The following CROCC2 variants were observed in gnomAD, a reference collection of about 807,000 sequenced individuals.
CROCC2 encodes the protein ciliary rootlet coiled-coil, rootletin family member 2.
A neutral mutation model predicts 177.6 loss-of-function variants in CROCC2; 163 were observed. The ratio of observed to expected loss-of-function variants is 0.92; its 90% CI spans 0.81 to 1.05. CROCC2 has a LOEUF of 1.05. CROCC2 is among the 50% of genes least tolerant of loss of function. CROCC2 has a pLI of 0.00. For missense variants in CROCC2, 1,929 were observed against 1,797.8 expected, an observed-to-expected ratio of 1.07 and a Z score of -1.32; for synonymous variants, 904 against 787.3, an observed-to-expected ratio of 1.15 and a Z score of -2.48.
rs2059868907 is a variant in CROCC2 at position 240,990,278 on chromosome 2, G to A, written c.4863+445G>A. 2.6e-5 allele frequency among the ~76,000 whole-genome samples: 4 copies of A among 152,228 alleles called. No individual in the cohort carries two copies. The South Asian group carries it at 8.3e-4, about 31-fold the overall frequency. ...CGTGGCATCTGTGGGGATGAGGTGG[G>A]CACAGTGAGGTGGATAAGGAAGCAT... On this transcript the variant is annotated intron_variant, in intron 30 of 31. Coordinates refer to ENST00000690015, the MANE Select transcript of CROCC2 (RefSeq NM_001351305.2).
chr2:240,911,336 G>A (rs1315478153), intron 1 of CROCC2, among the ~76,000 whole-genome samples: 7 of 132,034 alleles, frequency 5.3e-5, no homozygotes, highest in Non-Finnish European at 1.1e-4. Context: ...GGTCTCTGTC[G>A]CCCAGGCTGG....
chr2:240,963,718 C>T lies in CROCC2; in HGVS notation c.3250C>T (p.Leu1084Phe). ...DEAREKDVLL[L>F]FNSELRATIC... is the part of the protein sequence containing the mutation. Reference sequence around the variant, plus strand: ...GGCCCGCGAGAAGGACGTACTGTTGCTTTTCAACAGCGAGCTGCGGGCCAC... The same window carrying T: ...GGCCCGCGAGAAGGACGTACTGTTGTTTTTCAACAGCGAGCTGCGGGCCAC... Residue 1084 changes from leucine to phenylalanine, a missense_variant, in exon 21 of 32, where the codon CTT becomes TTT. Transcript: ENST00000690015. 1.3e-6 allele frequency: 2 copies of T among 1,550,280 alleles called. No individual in the cohort carries two copies. The highest frequency in any genetic ancestry group is 1.7e-6 in the Non-Finnish European group (2 of 1,146,804).
In CROCC2 at chr2:240,941,280, T is replaced by C. The variant is rs140740481; in HGVS notation, c.2170-4780T>C. On this transcript the variant is annotated intron_variant, in intron 14 of 31. Transcript: ENST00000690015. Reference sequence around the variant, plus strand: ...TGCCAAAATCAATACACAAATTCAATGCAATTCCCATCAAAATATCATCAC... The same window carrying C: ...TGCCAAAATCAATACACAAATTCAACGCAATTCCCATCAAAATATCATCAC... Among the ~76,000 whole-genome samples, 231 of 152,282 alleles carry C rather than the reference T, an allele frequency of 1.5e-3. 1 individual carries two copies. The highest frequency in any genetic ancestry group is 2.6e-3 in the Non-Finnish European group (180 of 68,022).
At chr2:240,935,332 G>A (rs1210522766) in intron 13 of CROCC2, 26 bp from the exon 14 acceptor site, 72 of 1,348,462 alleles carry the variant, frequency 5.3e-5, no homozygotes, top group Non-Finnish European at 6.7e-5. Context: ...GGGAGTGGAT[G>A]CAGAGCCCCC....
rs1179964216 is a variant in CROCC2, at chr2:240,968,213, A to G, written c.4352A>G (p.Glu1451Gly). ...GAGGCGCTCCGCAGGCTGGAGTTGG[A>G]GCACCTGGCGAGCGTGCGTGCGGCA... ...QKEALRRLEL[E>G]HLASVRAAGQ... The change falls in exon 27 of 32, where the codon GAG (glutamate) becomes GGG (glycine). Residue 1451 changes from glutamate to glycine, a missense_variant. Glu to Gly is a moderately conservative substitution (Grantham distance 98). This residue lies in a region of CROCC2 where 388 missense variants were observed against 352.7 expected (regional missense o/e 1.10). Transcript: ENST00000690015. 6.5e-7 allele frequency: 1 copy of G among 1,533,288 alleles called. No homozygotes were observed. The highest frequency in any genetic ancestry group is 2.1e-4 in the Middle Eastern group (1 of 4,824). The allele number at this position is 1,533,288 out of a possible 1,614,324, so 95.0% of individuals were successfully genotyped here. A position where few individuals can be genotyped will look rare whatever the true frequency, so the allele number is the denominator to read the frequency against.
chr2:240,962,509 G>A (rs1013847333), intron 20 of CROCC2, among the ~76,000 whole-genome samples: 1 of 151,974 alleles, frequency 6.6e-6, no homozygotes, highest in Non-Finnish European at 1.5e-5. Flanking sequence ...CGGAGGGGAG[G>A]CTCTGGCCCT....
rs2059621641 is a variant in CROCC2 at position 240,960,125 on chromosome 2, A to G, written c.3087+681A>G. Among the ~76,000 whole-genome samples the G allele has an allele frequency of 6.6e-6, 1 of 152,234 alleles. No homozygotes were observed. The highest frequency in any genetic ancestry group is 1.5e-5 in the Non-Finnish European group (1 of 68,036). ...CCCAAAGCCTTCCCGAGAGACAGGC[A>G]TGACCTGGGGCGAAGGGGAATTCGG... On this transcript the variant is annotated intron_variant, in intron 20 of 31. Coordinates refer to ENST00000690015, the MANE Select transcript of CROCC2 (RefSeq NM_001351305.2). The surrounding 1 kb of genome is among the most constrained non-coding windows in gnomAD (Gnocchi z 5.0).
chr2:240,907,550 T>A (rs1318864537), intron 1 of CROCC2, among the ~76,000 whole-genome samples: 2 of 152,042 alleles, frequency 1.3e-5, no homozygotes, highest in Non-Finnish European at 2.9e-5. Context: ...ACAATACAGA[T>A]CACCTGAAAA....
intron 5 of CROCC2, among the ~76,000 whole-genome samples, chr2:240,927,845 T>G (rs1033686186): frequency 6.6e-6 from 1 of 152,242 alleles, no homozygotes; most frequent in East Asian, 1.9e-4. Context: ...GAGATGGCAT[T>G]TCACAATGTT....
intron 15 of CROCC2, among the ~76,000 whole-genome samples, chr2:240,947,695 G>A (rs1031239794): frequency 2.6e-5 from 4 of 152,192 alleles, no homozygotes; most frequent in African/African-American, 7.2e-5. Context: ...CTCCCCACGG[G>A]TCTGCTTTAT....
intron 20 of CROCC2, 186 bp downstream of exon 20, chr2:240,959,630 C>T (rs890826207): frequency 1.3e-5 from 9 of 693,402 alleles, no homozygotes; most frequent in African/African-American, 9.2e-5. Context: ...GGGGCCCTCA[C>T]ACCACGCACT....
At chr2:240,959,568 G>A (rs2059617617) in intron 20 of CROCC2, 124 bp downstream of exon 20, 1 of 1,278,912 alleles carries the variant, frequency 7.8e-7, no homozygotes, top group Non-Finnish European at 1.1e-6. Flanking sequence ...GAGAAGGGAA[G>A]AGTAGTCCCT....
chr2:240,955,788 C>G, intron 18 of CROCC2, 71 bp from the exon 19 acceptor site: 1 of 1,074,852 alleles, frequency 9.3e-7, no homozygotes, highest in Non-Finnish European at 1.4e-6. Context: ...CACAGCCTCT[C>G]CTTAGAGGGG....
chr2:240,917,537 C>A lies in CROCC2; in HGVS notation c.79-1189C>A, dbSNP rs1168773488. Among the ~76,000 whole-genome samples, 1 of 152,092 alleles carries A rather than the reference C, an allele frequency of 6.6e-6. No individual in the cohort carries two copies. Among genetic ancestry groups the A allele is most frequent in the Non-Finnish European group, 1.5e-5 (1 of 67,998 alleles). ...GCAGCCAGGTGGTCACCCACGTGGA[C>A]CCTGGTCAGGAGGAAAATCCAGGAG... On this transcript the variant is annotated intron_variant, in intron 1 of 31. Coordinates refer to ENST00000690015, the MANE Select transcript of CROCC2 (RefSeq NM_001351305.2). This position sits in a 1 kb window ranked among gnomAD's most constrained non-coding sequence, Gnocchi z 4.9.
At chr2:240,989,534 AC>A in intron 29 of CROCC2, 119 bp from the exon 30 acceptor site, 1 of 961,610 alleles carries the variant, frequency 1.0e-6, no homozygotes, top group Non-Finnish European at 1.5e-6. Context: ...CCAGGTCAAC[AC>A]CGGCAGAGGG....
In CROCC2 at chr2:240,988,158, CT is replaced by C. The variant is rs946097759; in HGVS notation, c.4552-580del. Among the ~76,000 whole-genome samples, 6 of 152,336 alleles carry C rather than the reference CT, an allele frequency of 3.9e-5. No homozygotes were observed. The Middle Eastern group carries it at 0.014, about 345-fold the overall frequency. Reference sequence around the variant, plus strand: ...TAACCTGGAGCTTATCCCTCCTGACCTGTACCCATGGGGTAGGGAGTGGGTG... The same window carrying C: ...TAACCTGGAGCTTATCCCTCCTGACCGTACCCATGGGGTAGGGAGTGGGTG... On this transcript the variant is annotated intron_variant, in intron 28 of 31. Transcript: ENST00000690015.
In CROCC2 at chr2:240,966,397, C is replaced by A; in HGVS notation, c.4134C>A (p.Ala1378=). 1 of 401,362 alleles carries A rather than the reference C, an allele frequency of 2.5e-6. No individual in the cohort carries two copies. The highest frequency in any genetic ancestry group is 4.4e-6 in the Non-Finnish European group (1 of 226,626). The allele number at this position is 401,362 out of a possible 1,614,324, so 24.9% of individuals were successfully genotyped here. ...ACTTTGTGCAGAAGCTCCGGGAAGC[C>A]CAGCGGGAGCGGGTAATGGGGGCTG... ...LRDFVQKLRE[A]QRERDDSRIQ... The change falls in exon 25 of 32, where the codon GCC becomes GCA. Residue 1378 remains alanine (A), a synonymous_variant. Coordinates refer to ENST00000690015, the MANE Select transcript of CROCC2 (RefSeq NM_001351305.2).
intron 31 of CROCC2, among the ~76,000 whole-genome samples, chr2:240,992,443 C>T (rs1169484160): frequency 6.6e-6 from 1 of 152,236 alleles, no homozygotes; most frequent in Non-Finnish European, 1.5e-5. Context: ...TGTCCTGGCA[C>T]ACCTGGTTTT....
intron 27 of CROCC2, among the ~76,000 whole-genome samples, chr2:240,970,976 T>A (rs1436883056): frequency 6.6e-6 from 1 of 152,186 alleles, no homozygotes; most frequent in African/African-American, 2.4e-5. Context: ...CAGGTGCTTC[T>A]GGGGGCATCC....
Sources: allele counts gnomAD v4.1 joint callset (sites outside exome capture counted in the v4.1 genomes callset), GRCh38; gene constraint gnomAD v4.1.1; regional missense constraint gnomAD v4.1.1; non-coding constraint Gnocchi (gnomAD v3.1); transcripts MANE v1.5; gene names NCBI Gene and HGNC (gene_info 2026-07-23, HGNC 2026-07-21).